The following SCAP variants were observed in gnomAD, a reference collection of about 807,000 sequenced individuals.
The protein encoded by SCAP is sterol regulatory element-binding protein cleavage-activating protein.
In SCAP, 65 loss-of-function variants were observed where a neutral mutation model predicts 123.6. That is an observed-to-expected ratio of 0.53 (90% confidence interval 0.43 to 0.65). The LOEUF (loss-of-function observed/expected upper bound fraction) is 0.65. Ranked by LOEUF, SCAP falls within the 30% of genes least tolerant of loss-of-function variation. The probability of loss-of-function intolerance (pLI) is 0.00; values close to 1 mark genes in which losing one functional copy is unlikely to be tolerated. For missense variants in SCAP, 1,398 were observed against 1,712.5 expected, an observed-to-expected ratio of 0.82 and a Z score of 3.24; for synonymous variants, 740 against 726.3, an observed-to-expected ratio of 1.02 and a Z score of -0.30.
Position 47,422,654 on chromosome 3 carries a change from G to A in SCAP, c.1151-118C>T. 2 of 791,840 alleles carry A rather than the reference G, an allele frequency of 2.5e-6. 1 individual carries two copies. Among genetic ancestry groups the A allele is most frequent in the Middle Eastern group, 4.8e-4 (2 of 4,200 alleles). The allele number at this position is 791,840 out of a possible 1,614,324, so 49.1% of individuals were successfully genotyped here. A position where few individuals can be genotyped will look rare whatever the true frequency, so the allele number is the denominator to read the frequency against. On this transcript the variant is annotated intron_variant, in intron 9 of 22. Transcript: ENST00000265565. ...GGCAAGGCCCCCCAGCCCTTTGAAG[G>A]AGCCATTCCACCAAAGCACCCCAAC...
intron 1 of SCAP, among the ~76,000 whole-genome samples, chr3:47,465,747 T>C (rs986528850): frequency 1.3e-5 from 2 of 150,258 alleles, no homozygotes; most frequent in Non-Finnish European, 2.9e-5. Context: ...CCAGCCTAGG[T>C]GACAGAGCAA....
rs1705415832 is a variant in SCAP, at chr3:47,413,734, A to ATTAT, written c.*116_*119dup. The ATTAT allele has an allele frequency of 7.4e-7, 1 of 1,342,558 alleles. No homozygotes were observed. The highest frequency in any genetic ancestry group is 1.0e-6 in the Non-Finnish European group (1 of 983,994). The allele number at this position is 1,342,558 out of a possible 1,614,324, so 83.2% of individuals were successfully genotyped here. A position where few individuals can be genotyped will look rare whatever the true frequency, so the allele number is the denominator to read the frequency against. ...ATATGGTTTTTTAAAAAAGTTTAAT[A>ATTAT]TTATTACAGTCAGGAGGCAGCGGCT... On this transcript the variant is annotated 3_prime_UTR_variant, in exon 23 of 23. Transcript: ENST00000265565.
rs879008440 is a variant in SCAP, at chr3:47,427,528, G to A, written c.550C>T (p.Arg184Cys). The change falls in exon 5 of 23, where the codon CGC becomes TGC. Residue 184 changes from arginine to cysteine, a missense_variant. Transcript: ENST00000265565. ...PGNFWQNDWERFHADPDIIGT... is the reference protein window; with the variant it reads ...PGNFWQNDWECFHADPDIIGT... The stretch of plus-strand genomic sequence containing the variant: ...ATGATGTCAGGATCAGCATGGAAGC[G>A]TTCCCAGTCATTCTGCCAGAAGTTC... 11 of 1,614,078 alleles carry A rather than the reference G, an allele frequency of 6.8e-6. No individual in the cohort carries two copies. Among genetic ancestry groups the A allele is most frequent in the African/African-American group, 2.7e-5 (2 of 74,926 alleles).
intron 1 of SCAP, among the ~76,000 whole-genome samples, chr3:47,456,126 A>G (rs1707415791): frequency 6.6e-6 from 1 of 152,182 alleles, no homozygotes; most frequent in African/African-American, 2.4e-5. Context: ...AATTCCAAAA[A>G]GCACAGTGGC....
In SCAP at chr3:47,446,764, C is replaced by T. The variant is rs147439135; in HGVS notation, c.-98-3673G>A. Among the ~76,000 whole-genome samples, 437 of 151,072 alleles carry T rather than the reference C, an allele frequency of 2.9e-3. 1 individual carries two copies. The highest frequency in any genetic ancestry group is 0.01 in the Middle Eastern group (3 of 294). On this transcript the variant is annotated intron_variant, in intron 1 of 22. Transcript: ENST00000265565. ...GAGACCAGCCTGGACACTGTGAGACCGTGTCTTTACAAAAAAAAAAACATT... is the reference window on the plus strand; with the variant it reads ...GAGACCAGCCTGGACACTGTGAGACTGTGTCTTTACAAAAAAAAAAACATT...
At chr3:47,440,401 T>C (rs1482999942) in intron 2 of SCAP, among the ~76,000 whole-genome samples, 2 of 152,138 alleles carry the variant, frequency 1.3e-5, no homozygotes, top group Admixed American at 6.6e-5. Context: ...CCAGAATCTA[T>C]GGATTCTCTT....
chr3:47,437,422 C>CAAAAAAAAAAAA (rs35011639), intron 2 of SCAP, among the ~76,000 whole-genome samples: 1 of 63,194 alleles, frequency 1.6e-5, no homozygotes, highest in African/African-American at 6.9e-5. Context: ...AACTCAATCT[C>CAAAAAAAAAAAA]AAAAAAAAAA....
At position 47,418,606 on chromosome 3, in the gene SCAP, G is replaced by A. The variant is rs867079103; in HGVS notation, c.2129+49C>T. 2.0e-5 allele frequency: 27 copies of A among 1,355,624 alleles called. No individual in the cohort carries two copies. In the Middle Eastern group the frequency reaches 7.6e-4, roughly 38 times the overall value. The allele number at this position is 1,355,624 out of a possible 1,614,324, so 84.0% of individuals were successfully genotyped here. A position where few individuals can be genotyped will look rare whatever the true frequency, so the allele number is the denominator to read the frequency against. On this transcript the variant is annotated intron_variant, in intron 14 of 22. Transcript: ENST00000265565. ...CCCTCTCCCCTACTCTTGCCTACCC[G>A]TCCCCCTCCCCGCACTCTTTCCCAC... is the stretch of plus-strand genomic sequence containing the variant.
Position 47,425,573 on chromosome 3 carries a change from G to T in SCAP, c.949C>A (p.Leu317Met). The change falls in exon 8 of 23, where the codon CTG (leucine) becomes ATG (methionine). Residue 317 changes from leucine (L) to methionine (M), a missense_variant. Transcript: ENST00000265565. Reference protein sequence around the residue: ...DMVKSKWGLALAAVVTVLSSL... With the variant: ...DMVKSKWGLAMAAVVTVLSSL... ...CTGAGCACTGTGACCACGGCAGCCAGGGCCAGCCCCCACTTGGACTTGACC... is the reference window on the plus strand; with the variant it reads ...CTGAGCACTGTGACCACGGCAGCCATGGCCAGCCCCCACTTGGACTTGACC... 3.1e-6 allele frequency: 5 copies of T among 1,614,146 alleles called. No individual in the cohort carries two copies. Among genetic ancestry groups the T allele is most frequent in the Non-Finnish European group, 4.2e-6 (5 of 1,180,054 alleles).
Position 47,425,521 on chromosome 3 carries a change from C to T in SCAP, c.1001G>A (p.Cys334Tyr). The stretch of plus-strand genomic sequence containing the variant: ...GGTGGGCGTCAGGCCGAAGAGTGTG[C>T]AGAGTCCCACAGACATGAGCAGCGA... ...LSSLLMSVGL[C>Y]TLFGLTPTLN... The change falls in exon 8 of 23, where the codon TGC becomes TAC. Residue 334 changes from cysteine to tyrosine, a missense_variant. By Grantham distance (194) the Cys-to-Tyr change is radical (BLOSUM62 -2). Transcript: ENST00000265565. 6.2e-7 allele frequency: 1 copy of T among 1,614,006 alleles called. No individual in the cohort carries two copies. The highest frequency in any genetic ancestry group is 8.5e-7 in the Non-Finnish European group (1 of 1,180,050).
chr3:47,418,888 C>T (rs780035452), intron 13 of SCAP, 45 bp from the exon 14 acceptor site: 9 of 1,462,846 alleles, frequency 6.2e-6, no homozygotes, highest in Non-Finnish European at 9.0e-7. Context: ...CCTCCCAGGG[C>T]TTCCTCCTGC....
intron 1 of SCAP, among the ~76,000 whole-genome samples, chr3:47,460,833 G>A (rs1397318033): frequency 6.6e-6 from 1 of 152,214 alleles, no homozygotes; most frequent in South Asian, 2.1e-4. Context: ...TGGGATTACA[G>A]GCGTGAGCCA....
At chr3:47,442,763 C>T in intron 2 of SCAP, 109 bp downstream of exon 2, 1 of 932,596 alleles carries the variant, frequency 1.1e-6, no homozygotes, top group Non-Finnish European at 1.7e-6. Flanking sequence ...CCCAAGCTCC[C>T]ATTGTGTAAA....
At chr3:47,443,483 C>T (rs1001158284) in intron 1 of SCAP, among the ~76,000 whole-genome samples, 1 of 152,096 alleles carries the variant, frequency 6.6e-6, no homozygotes, top group Non-Finnish European at 1.5e-5. Context: ...GCACAAATCC[C>T]ACTGAGAAAA....
chr3:47,463,715 CTAAAAT>C (rs1020387996), intron 1 of SCAP, among the ~76,000 whole-genome samples: 1 of 151,866 alleles, frequency 6.6e-6, no homozygotes, highest in Non-Finnish European at 1.5e-5. Context: ...AAAAAAAAAA[CTAAAAT>C]TAAAAATTAA....
At position 47,420,641 on chromosome 3, in the gene SCAP, C is replaced by A; in HGVS notation, c.1476G>T (p.Pro492=). The change falls in exon 12 of 23, where the codon CCG becomes CCT. Residue 492 remains proline (P), a synonymous_variant. Coordinates refer to ENST00000265565, the MANE Select transcript of SCAP (RefSeq NM_012235.4). The surrounding 1 kb of genome is among the most constrained non-coding windows in gnomAD (Gnocchi z 5.0). ...GGAGCCGCAGGTTTCGGAAGGAAGA[C>A]GGCTGCAACGTGATGGTGTGGGGTG... ...PSTPHTITLQ[P]SSFRNLRLPK... 1 of 1,612,146 alleles carries A rather than the reference C, an allele frequency of 6.2e-7. No homozygotes were observed. The highest frequency in any genetic ancestry group is 8.5e-7 in the Non-Finnish European group (1 of 1,179,920).
intron 1 of SCAP, among the ~76,000 whole-genome samples, chr3:47,460,373 C>T (rs1338941975): frequency 1.3e-5 from 2 of 152,186 alleles, no homozygotes; most frequent in South Asian, 2.1e-4. Flanking sequence ...GATTTATGTT[C>T]AGAGATTGAA....
chr3:47,428,771 A>T (rs1706245192), intron 3 of SCAP, 101 bp from the exon 4 acceptor site: 2 of 1,313,342 alleles, frequency 1.5e-6, no homozygotes, highest in African/African-American at 1.5e-5. Flanking sequence ...ACCGTGCCCC[A>T]CAGAGTTAAA....
intron 5 of SCAP, 78 bp from the exon 6 acceptor site, chr3:47,427,340 C>G (rs879657120): frequency 1.4e-5 from 22 of 1,538,386 alleles, no homozygotes; most frequent in Non-Finnish European, 1.9e-5. Context: ...TTCTCACCCC[C>G]ACCCTGGGAA....
Sources: allele counts gnomAD v4.1 joint callset (sites outside exome capture counted in the v4.1 genomes callset), GRCh38; gene constraint gnomAD v4.1.1; non-coding constraint Gnocchi (gnomAD v3.1); transcripts MANE v1.5; gene names NCBI Gene and HGNC (gene_info 2026-07-23, HGNC 2026-07-21).